PTPRK: variants seen among roughly 807,000 people sequenced by gnomAD.
The protein encoded by PTPRK is protein tyrosine phosphatase receptor type K, also known as receptor-type tyrosine-protein phosphatase kappa.
In PTPRK, 75 loss-of-function variants were observed where a neutral mutation model predicts 178.0. The observed-to-expected ratio is 0.42, with a 90% CI of 0.35 to 0.51. PTPRK has a LOEUF of 0.51. PTPRK is among the 20% of genes least tolerant of loss of function. PTPRK has a pLI of 0.02. For missense variants in PTPRK, 1,441 were observed against 1,797.8 expected (o/e 0.80, Z 3.59); for synonymous variants, 637 against 620.6 (o/e 1.03, Z -0.39).
intron 7 of PTPRK, among the ~76,000 whole-genome samples, chr6:128,113,402 A>G (rs1056190668): frequency 6.7e-6 from 1 of 149,792 alleles, no homozygotes; most frequent in African/African-American, 2.4e-5. Context: ...TATATAAAAT[A>G]ACATATATAT....
intron 2 of PTPRK, among the ~76,000 whole-genome samples, chr6:128,344,719 T>G (rs1832173030): frequency 6.6e-6 from 1 of 152,064 alleles, no homozygotes; most frequent in African/African-American, 2.4e-5. Flanking sequence ...GTTTTGTCAT[T>G]TGCCCAGGCT....
chr6:128,520,341 C>T lies in PTPRK; in HGVS notation c.18G>A (p.Ala6=), dbSNP rs1360249739. The T allele has an allele frequency of 1.2e-6, 2 of 1,608,824 alleles. No individual in the cohort carries two copies. The highest frequency in any genetic ancestry group is 1.3e-5 in the African/African-American group (1 of 74,936). ...GCGCCACAAAAGCAGGCAGCGCCGC[C>T]GCCGCAGTCGTATCCATGCCGAGTT... MDTTA[A]AALPAFVALL... Residue 6 remains alanine (A), a synonymous_variant, in exon 1 of 30, where the codon GCG becomes GCA. Coordinates refer to ENST00000368226, the MANE Select transcript of PTPRK (RefSeq NM_002844.4).
chr6:128,315,127 A>T (rs1254617613), intron 3 of PTPRK, among the ~76,000 whole-genome samples: 1 of 152,136 alleles, frequency 6.6e-6, no homozygotes, highest in Non-Finnish European at 1.5e-5. Flanking sequence ...AAAGTTTACA[A>T]CCAAACCAAA....
chr6:128,368,428 G>C (rs920793849), intron 2 of PTPRK, among the ~76,000 whole-genome samples: 3 of 151,066 alleles, frequency 2.0e-5, no homozygotes, highest in African/African-American at 7.3e-5. Flanking sequence ...AATCTGTGAC[G>C]AGGCCAATGA....
At chr6:128,295,611 G>T (rs1184982261) in intron 3 of PTPRK, among the ~76,000 whole-genome samples, 1 of 152,056 alleles carries the variant, frequency 6.6e-6, no homozygotes, top group Non-Finnish European at 1.5e-5. Context: ...TCTGATCACA[G>T]TTGATACTTT....
intron 2 of PTPRK, among the ~76,000 whole-genome samples, chr6:128,341,259 T>G (rs1339555356): frequency 1.3e-5 from 2 of 152,170 alleles, no homozygotes; most frequent in Non-Finnish European, 2.9e-5. Flanking sequence ...TAAATAATTA[T>G]CTTAAGTATA....
intron 6 of PTPRK, among the ~76,000 whole-genome samples, chr6:128,206,784 C>A (rs1314809904): frequency 2.0e-5 from 3 of 151,992 alleles, no homozygotes; most frequent in Non-Finnish European, 2.9e-5. Context: ...GACATAGAAT[C>A]CAATTATCTA....
At chr6:128,050,722 T>C (rs2114871767) in intron 13 of PTPRK, among the ~76,000 whole-genome samples, 1 of 152,320 alleles carries the variant, frequency 6.6e-6, no homozygotes, top group Non-Finnish European at 1.5e-5. Flanking sequence ...TTTAAGTTTT[T>C]ATAGAAATAG....
intron 5 of PTPRK, chr6:128,230,652 C>T (rs1812141299): frequency 6.6e-6 from 1 of 151,968 alleles, no homozygotes; most frequent in Middle Eastern, 3.2e-3. Flanking sequence ...AAGAAGAAAC[C>T]AGGCCTGCCA....
intron 7 of PTPRK, among the ~76,000 whole-genome samples, chr6:128,132,482 G>A (rs1794405473): frequency 6.6e-6 from 1 of 152,230 alleles, no homozygotes; most frequent in East Asian, 1.9e-4. Flanking sequence ...CAGGCTGTGT[G>A]TTTTAAAAAT....
intron 3 of PTPRK, among the ~76,000 whole-genome samples, chr6:128,273,826 G>C (rs1453762120): frequency 6.6e-6 from 1 of 152,106 alleles, no homozygotes; most frequent in East Asian, 1.9e-4. Context: ...AAAAGCACCT[G>C]AATAGTATGA....
chr6:128,002,613 C>A (rs1428980536), intron 15 of PTPRK, among the ~76,000 whole-genome samples: 4 of 151,812 alleles, frequency 2.6e-5, no homozygotes, highest in Admixed American at 6.6e-5. Context: ...ACAGTGGTAA[C>A]CCAAGTAGCT....
At chr6:128,431,099 C>T (rs900921165) in intron 1 of PTPRK, among the ~76,000 whole-genome samples, 2 of 151,792 alleles carry the variant, frequency 1.3e-5, no homozygotes, top group South Asian at 2.1e-4. Context: ...CCACCATGCC[C>T]GGCTAATTTT....
At chr6:128,325,375 G>C (rs1194881248) in intron 2 of PTPRK, among the ~76,000 whole-genome samples, 1 of 152,076 alleles carries the variant, frequency 6.6e-6, no homozygotes, top group Admixed American at 6.6e-5. Context: ...ACTACCATCA[G>C]AGTGAACAGG....
intron 22 of PTPRK, among the ~76,000 whole-genome samples, chr6:127,984,744 C>G (rs1023170208): frequency 3.9e-5 from 6 of 152,186 alleles, no homozygotes; most frequent in African/African-American, 1.4e-4. Flanking sequence ...TTGTGGCTAT[C>G]TCTATTTATC....
intron 3 of PTPRK, among the ~76,000 whole-genome samples, chr6:128,263,663 A>G (rs1265261470): frequency 6.6e-6 from 1 of 152,198 alleles, no homozygotes; most frequent in Non-Finnish European, 1.5e-5. Flanking sequence ...CACTTACATA[A>G]TATAATTAGT....
At chr6:128,199,454 A>G (rs1363555013) in intron 6 of PTPRK, among the ~76,000 whole-genome samples, 2 of 152,148 alleles carry the variant, frequency 1.3e-5, no homozygotes, top group Non-Finnish European at 2.9e-5. Flanking sequence ...GTTATTAACT[A>G]GAATGGAATG....
chr6:128,184,155 T>A (rs1355575168), intron 7 of PTPRK, among the ~76,000 whole-genome samples: 1 of 152,168 alleles, frequency 6.6e-6, no homozygotes, highest in Non-Finnish European at 1.5e-5. Flanking sequence ...TCAGAGATTT[T>A]TGGACTGAAT....
intron 1 of PTPRK, among the ~76,000 whole-genome samples, chr6:128,470,376 T>C (rs908260748): frequency 3.3e-5 from 5 of 151,052 alleles, no homozygotes; most frequent in Middle Eastern, 3.4e-3. Flanking sequence ...ACTTTTTCTA[T>C]GAAATCGTTT....
Sources: gnomAD v4.1 joint callset for allele counts (sites outside exome capture counted in the v4.1 genomes callset) on GRCh38, gnomAD v4.1.1 for gene constraint, MANE v1.5 for transcripts, NCBI Gene and HGNC (gene_info 2026-07-23, HGNC 2026-07-21) for gene names.